The following PUM2 variants were observed in gnomAD, a reference collection of about 807,000 sequenced individuals.
PUM2 encodes pumilio homolog 2.
Under a neutral mutation model 124.5 loss-of-function variants are expected in PUM2, and 57 were observed. The ratio of observed to expected loss-of-function variants is 0.46; its 90% CI spans 0.37 to 0.57. The LOEUF (loss-of-function observed/expected upper bound fraction) is 0.57. Ranked by LOEUF, PUM2 falls within the 20% of genes least tolerant of loss-of-function variation. The pLI is 0.00. For missense variants in PUM2, 1,065 were observed against 1,290.6 expected, an observed-to-expected ratio of 0.83 and a Z score of 2.68; for synonymous variants, 460 against 446.1, an observed-to-expected ratio of 1.03 and a Z score of -0.39.
intron 13 of PUM2, 45 bp downstream of exon 13, chr2:20,278,538 T>C (rs1310652827): frequency 2.8e-6 from 4 of 1,430,738 alleles, no homozygotes; most frequent in Non-Finnish European, 3.9e-6. Context: ...CAAACACACA[T>C]ACATGTATAC....
rs1490344174 is a variant in PUM2 at position 20,251,466 on chromosome 2, A to G, written c.*119T>C. On this transcript the variant is annotated 3_prime_UTR_variant, in exon 21 of 21. Transcript: ENST00000361078. ...TTACAAATGGATGAATAAAGTCAAT[A>G]AATAGTTTTGCTTTAAAAAAAAATT... 4 of 1,255,812 alleles carry G rather than the reference A, an allele frequency of 3.2e-6. No individual in the cohort carries two copies. Among genetic ancestry groups the G allele is most frequent in the African/African-American group, 3.0e-5 (2 of 66,104 alleles). The allele number at this position is 1,255,812 out of a possible 1,614,324, so 77.8% of individuals were successfully genotyped here.
At chr2:20,258,161 A>C (rs1665264820) in intron 16 of PUM2, 82 bp downstream of exon 16, 9 of 1,290,216 alleles carry the variant, frequency 7.0e-6, no homozygotes, top group Non-Finnish European at 9.4e-6. Flanking sequence ...TTTCACTTCA[A>C]GATTACTGTA....
intron 1 of PUM2, among the ~76,000 whole-genome samples, chr2:20,332,661 T>C (rs1685164185): frequency 6.6e-6 from 1 of 152,204 alleles, no homozygotes; most frequent in South Asian, 2.1e-4. Flanking sequence ...GTCAATCTGC[T>C]GTCTCTTAAA....
intron 1 of PUM2, among the ~76,000 whole-genome samples, chr2:20,348,112 C>G (rs1228553088): frequency 6.6e-6 from 1 of 151,874 alleles, no homozygotes; most frequent in African/African-American, 2.4e-5. Flanking sequence ...TGCTTGAGCC[C>G]AGGAGTTTGA....
At chr2:20,345,079 G>C (rs1318941116) in intron 1 of PUM2, among the ~76,000 whole-genome samples, 1 of 149,186 alleles carries the variant, frequency 6.7e-6, no homozygotes, top group Non-Finnish European at 1.5e-5. Context: ...TGTGTCCACA[G>C]CACTTTTTTC....
At chr2:20,317,039 A>G (rs1379692151) in intron 3 of PUM2, among the ~76,000 whole-genome samples, 1 of 151,958 alleles carries the variant, frequency 6.6e-6, no homozygotes, top group African/African-American at 2.4e-5. Flanking sequence ...TCAGGGGAAA[A>G]AAAAAAAATT....
In PUM2 at chr2:20,260,400, C is replaced by T; in HGVS notation, c.2292G>A (p.Leu764=). Reference sequence around the variant, plus strand: ...CAGTCATTAATTGATAGGCTGCTTGCAGAATTTCATTAAATACCATCTGTC... The same window carrying T: ...CAGTCATTAATTGATAGGCTGCTTGTAGAATTTCATTAAATACCATCTGTC... ...AERQMVFNEI[L]QAAYQLMTDV... is the part of the protein sequence containing the mutation. Residue 764 remains leucine, a synonymous_variant, in exon 15 of 21, where the codon CTG becomes CTA. Coordinates refer to ENST00000361078, the MANE Select transcript of PUM2 (RefSeq NM_015317.5). 1 of 1,612,530 alleles carries T rather than the reference C, an allele frequency of 6.2e-7. No individual in the cohort carries two copies. The highest frequency in any genetic ancestry group is 8.5e-7 in the Non-Finnish European group (1 of 1,178,830).
At chr2:20,296,469 T>C (rs531689413) in intron 8 of PUM2, among the ~76,000 whole-genome samples, 296 of 149,586 alleles carry the variant, frequency 2.0e-3, no homozygotes, top group Middle Eastern at 3.4e-3. Flanking sequence ...CACTCCAGCC[T>C]GGGCAACAGA....
intron 1 of PUM2, among the ~76,000 whole-genome samples, chr2:20,346,384 T>TACA (rs1488352082): frequency 6.6e-6 from 1 of 152,218 alleles, no homozygotes; most frequent in Non-Finnish European, 1.5e-5. Context: ...ATTTTTGGTA[T>TACA]TTATAAAAAT....
At chr2:20,299,168 G>C (rs1311052606) in intron 7 of PUM2, among the ~76,000 whole-genome samples, 1 of 152,214 alleles carries the variant, frequency 6.6e-6, no homozygotes, top group Admixed American at 6.5e-5. Flanking sequence ...CCAGACTTGT[G>C]ATCAGTGTGT....
chr2:20,251,325 T>C lies in PUM2; in HGVS notation c.*260A>G, dbSNP rs1663242878. 6.5e-6 allele frequency: 2 copies of C among 306,620 alleles called. No homozygotes were observed. Among genetic ancestry groups the C allele is most frequent in the Admixed American group, 4.6e-5 (1 of 21,686 alleles). The allele number at this position is 306,620 out of a possible 1,614,324, so 19.0% of individuals were successfully genotyped here. ...TTTTATTTTTGATACAGTTACATCA[T>C]ATACAGGCATTCTGTGCTTTGCCAG... is the stretch of plus-strand genomic sequence containing the variant. On this transcript the variant is annotated 3_prime_UTR_variant, in exon 21 of 21. Coordinates refer to ENST00000361078, the MANE Select transcript of PUM2 (RefSeq NM_015317.5).
intron 1 of PUM2, among the ~76,000 whole-genome samples, chr2:20,337,208 TATAA>T (rs1686308019): frequency 6.6e-6 from 1 of 151,992 alleles, no homozygotes; most frequent in South Asian, 2.1e-4. Flanking sequence ...ACAAACCAAC[TATAA>T]AGACTTTTTT....
intron 17 of PUM2, 38 bp downstream of exon 17, chr2:20,255,995 G>A: frequency 6.7e-7 from 1 of 1,492,700 alleles, no homozygotes. Context: ...CTAAAATAAT[G>A]CCCTGCTAAC....
At chr2:20,348,201 C>G (rs1688621429) in intron 1 of PUM2, among the ~76,000 whole-genome samples, 1 of 151,442 alleles carries the variant, frequency 6.6e-6, no homozygotes, top group Non-Finnish European at 1.5e-5. Context: ...AGAAAAAAAG[C>G]AAGAAATCTT....
At chr2:20,348,292 G>C (rs1688638380) in intron 1 of PUM2, among the ~76,000 whole-genome samples, 1 of 152,172 alleles carries the variant, frequency 6.6e-6, no homozygotes, top group African/African-American at 2.4e-5. Context: ...GTCTCAAGCT[G>C]TGATTGCAGC....
At chr2:20,304,711 T>C (rs985878005) in intron 7 of PUM2, among the ~76,000 whole-genome samples, 1 of 152,202 alleles carries the variant, frequency 6.6e-6, no homozygotes, top group Non-Finnish European at 1.5e-5. Context: ...TGTGACTAGT[T>C]TGAGATCAGC....
intron 1 of PUM2, among the ~76,000 whole-genome samples, chr2:20,346,877 C>G (rs1158424071): frequency 6.6e-6 from 1 of 152,174 alleles, no homozygotes; most frequent in Non-Finnish European, 1.5e-5. Context: ...CTTCTGTGGT[C>G]CCAACATATT....
upstream of PUM2, among the ~76,000 whole-genome samples, chr2:20,351,507 G>C (rs1162042596): frequency 6.6e-6 from 1 of 152,230 alleles, no homozygotes; most frequent in Admixed American, 6.5e-5. Context: ...TCGTTCTCCA[G>C]CTGGGCCAGT....
chr2:20,296,290 T>C (rs1480612972), intron 8 of PUM2, among the ~76,000 whole-genome samples: 2 of 152,198 alleles, frequency 1.3e-5, no homozygotes, highest in East Asian at 1.9e-4. Context: ...GGTCAGGAGA[T>C]GGAGACCATC....
Sources: gnomAD v4.1 joint callset for allele counts (sites outside exome capture counted in the v4.1 genomes callset) on GRCh38, gnomAD v4.1.1 for gene constraint, MANE v1.5 for transcripts, NCBI Gene and HGNC (gene_info 2026-07-23, HGNC 2026-07-21) for gene names.